OSMR: variants seen among roughly 807,000 people sequenced by gnomAD.
The protein encoded by OSMR is oncostatin-M-specific receptor subunit beta.
A neutral mutation model predicts 99.9 loss-of-function variants in OSMR; 81 were observed. The observed-to-expected ratio is 0.81, with a 90% CI of 0.68 to 0.97. The LOEUF is 0.97. OSMR is among the 50% of genes least tolerant of loss of function. OSMR has a pLI of 0.00. For missense variants in OSMR, 1,099 were observed against 1,153.4 expected, an observed-to-expected ratio of 0.95 and a Z score of 0.68; for synonymous variants, 406 against 410.4, an observed-to-expected ratio of 0.99 and a Z score of 0.13.
chr5:38,849,060 G>A (rs1430944588), intron 1 of OSMR, among the ~76,000 whole-genome samples: 1 of 152,136 alleles, frequency 6.6e-6, no homozygotes, highest in East Asian at 1.9e-4. Flanking sequence ...TTACAGGCGT[G>A]AGCCACTGCG....
intron 3 of OSMR, among the ~76,000 whole-genome samples, chr5:38,878,945 G>C (rs183125577): frequency 3.9e-5 from 6 of 152,308 alleles, no homozygotes; most frequent in African/African-American, 1.4e-4. Context: ...TTTAGCCTGT[G>C]CTCCCAGATC....
At chr5:38,913,854 G>A (rs886426268) in intron 9 of OSMR, among the ~76,000 whole-genome samples, 3 of 152,186 alleles carry the variant, frequency 2.0e-5, no homozygotes, top group Non-Finnish European at 4.4e-5. Context: ...CACAGAAGGA[G>A]GTGTTACACA....
At chr5:38,896,373 A>T (rs1744520397) in intron 7 of OSMR, among the ~76,000 whole-genome samples, 1 of 151,924 alleles carries the variant, frequency 6.6e-6, no homozygotes. Context: ...GCTTTGGTTA[A>T]GTTAATTCCT....
At position 38,883,909 on chromosome 5, in the gene OSMR, T is replaced by G; in HGVS notation, c.501T>G (p.Cys167Trp). ...LVEEGTNVTI[C>W]YVSRNIQNNV... is the part of the protein sequence containing the mutation. ...AAGAAGGCACCAATGTTACCATTTGTTACGTTTCTAGGAACATTCAAAATA... is the reference window on the plus strand; with the variant it reads ...AAGAAGGCACCAATGTTACCATTTGGTACGTTTCTAGGAACATTCAAAATA... The change falls in exon 5 of 18, where the codon TGT becomes TGG. Residue 167 changes from cysteine (C) to tryptophan (W), a missense_variant. Transcript: ENST00000274276. 2 of 1,613,838 alleles carry G rather than the reference T, an allele frequency of 1.2e-6. No individual in the cohort carries two copies. Among genetic ancestry groups the G allele is most frequent in the Non-Finnish European group, 1.7e-6 (2 of 1,179,730 alleles).
intron 7 of OSMR, among the ~76,000 whole-genome samples, chr5:38,897,185 CCCT>C (rs1744578231): frequency 6.6e-6 from 1 of 151,958 alleles, no homozygotes; most frequent in Non-Finnish European, 1.5e-5. Flanking sequence ...TGGACATATT[CCCT>C]CCTCCTCTGT....
In OSMR at chr5:38,886,209, C is replaced by A. The variant is rs758319433; in HGVS notation, c.991+19C>A. On this transcript the variant is annotated intron_variant, in intron 7 of 17. Transcript: ENST00000274276. ...CATCGAGGTGAGACTAGAGTTGTCA[C>A]AGCCCACCGTGGCCACTAACGTGTC... 16 of 1,613,962 alleles carry A rather than the reference C, an allele frequency of 9.9e-6. No individual in the cohort carries two copies. The highest frequency in any genetic ancestry group is 1.3e-5 in the African/African-American group (1 of 74,932).
chr5:38,931,032 C>CCCAG (rs1746719631), intron 15 of OSMR, among the ~76,000 whole-genome samples: 1 of 151,532 alleles, frequency 6.6e-6, no homozygotes, highest in Admixed American at 6.6e-5. Context: ...GCGTGGCCTT[C>CCCAG]CCAGCTCTAT....
intron 5 of OSMR, among the ~76,000 whole-genome samples, chr5:38,884,397 C>T (rs536983268): frequency 6.6e-6 from 1 of 151,786 alleles, no homozygotes; most frequent in African/African-American, 2.4e-5. Flanking sequence ...CCTTTTTTGC[C>T]CAGCCATGCT....
chr5:38,855,723 C>A (rs1421397123), intron 1 of OSMR, among the ~76,000 whole-genome samples: 2 of 151,088 alleles, frequency 1.3e-5, no homozygotes, highest in Admixed American at 6.6e-5. Flanking sequence ...CCACACCCCC[C>A]CACCTGTTGT....
rs773761396 is a variant in OSMR, at chr5:38,904,039, T to G, written c.1134+15T>G. 6.2e-7 allele frequency: 1 copy of G among 1,613,196 alleles called. No individual in the cohort carries two copies. The highest frequency in any genetic ancestry group is 8.5e-7 in the Non-Finnish European group (1 of 1,179,834). On this transcript the variant is annotated intron_variant, in intron 8 of 17. Coordinates refer to ENST00000274276, the MANE Select transcript of OSMR (RefSeq NM_003999.3). ...AAATGATGCAAGTAAGAACCCTGCT[T>G]AATTTTCTATTTTCAAAAATTCTTT...
chr5:38,906,202 C>T (rs963395994), intron 9 of OSMR, among the ~76,000 whole-genome samples: 1 of 150,204 alleles, frequency 6.7e-6, no homozygotes, highest in Non-Finnish European at 1.5e-5. Context: ...TCCAACATAA[C>T]TAAAATTATG....
At chr5:38,882,998 CA>C (rs1285401453) in intron 4 of OSMR, among the ~76,000 whole-genome samples, 1 of 152,088 alleles carries the variant, frequency 6.6e-6, no homozygotes, top group African/African-American at 2.4e-5. Context: ...GACACATACA[CA>C]GGGAAAGAAA....
intron 11 of OSMR, chr5:38,919,318 A>G: frequency 6.9e-7 from 1 of 1,445,076 alleles, no homozygotes; most frequent in Non-Finnish European, 9.2e-7. Flanking sequence ...ATGGGAAATT[A>G]TCTCAAATTT....
Position 38,881,605 on chromosome 5 carries a change from A to G in OSMR, c.259A>G (p.Thr87Ala), listed in dbSNP as rs1431587245. 9 of 1,614,146 alleles carry G rather than the reference A, an allele frequency of 5.6e-6. No individual in the cohort carries two copies. The highest frequency in any genetic ancestry group is 7.6e-6 in the Non-Finnish European group (9 of 1,179,988). The change falls in exon 4 of 18, where the codon ACC (threonine) becomes GCC (alanine). Residue 87 changes from threonine (T) to alanine (A), a missense_variant. Physicochemically the swap from Thr to Ala is moderately conservative, Grantham distance 58. Coordinates refer to ENST00000274276, the MANE Select transcript of OSMR (RefSeq NM_003999.3). ...TCTTTGCTTTTAGGGGAATTACAGC[A>G]CCACTGTGAAGTGGAACCAGGTTCT... ...SNVIWVGNYS[T>A]TVKWNQVLHW...
chr5:38,897,564 T>C (rs951886531), intron 7 of OSMR, among the ~76,000 whole-genome samples: 4 of 152,104 alleles, frequency 2.6e-5, no homozygotes, highest in Admixed American at 2.6e-4. Context: ...TAATGGTTTG[T>C]CAATTTTGTT....
At chr5:38,846,996 CG>C (rs1739892956) in intron 1 of OSMR, among the ~76,000 whole-genome samples, 1 of 152,174 alleles carries the variant, frequency 6.6e-6, no homozygotes, top group African/African-American at 2.4e-5. Context: ...TGCCTTGCTG[CG>C]GGAGGCACAG....
chr5:38,941,579 T>G, intron 1 of OSMR: 1 of 231,480 alleles, frequency 4.3e-6, no homozygotes, highest in Non-Finnish European at 8.6e-6. Context: ...TTTTTAAATT[T>G]TATTCAAGAA....
At chr5:38,940,926 A>ATTCATTG in intron 1 of OSMR, 1 of 232,560 alleles carries the variant, frequency 4.3e-6, no homozygotes, top group Non-Finnish European at 8.5e-6. Flanking sequence ...TGTAATAAAA[A>ATTCATTG]TGTTATACAC....
At chr5:38,943,200 T>C (rs1324534251) in intron 1 of OSMR, 10 of 394,934 alleles carry the variant, frequency 2.5e-5, no homozygotes, top group African/African-American at 1.6e-4. Flanking sequence ...TGAATACTTC[T>C]TGTAAAATTG....
Sources: gnomAD v4.1 joint callset for allele counts (sites outside exome capture counted in the v4.1 genomes callset) on GRCh38, gnomAD v4.1.1 for gene constraint, MANE v1.5 for transcripts, NCBI Gene and HGNC (gene_info 2026-07-23, HGNC 2026-07-21) for gene names.